EIF2S1: variants seen among roughly 807,000 people sequenced by gnomAD.
The protein encoded by EIF2S1 is eukaryotic translation initiation factor 2 subunit 1.
A neutral mutation model predicts 33.5 loss-of-function variants in EIF2S1; 5 were observed. That is an observed-to-expected ratio of 0.15 (90% CI 0.08 to 0.31). The LOEUF is 0.31. Among genes scored for constraint, EIF2S1 ranks in the 10% least tolerant of loss-of-function variants. The pLI, the probability that EIF2S1 is intolerant of heterozygous loss-of-function variation, is 1.00. For synonymous variants in EIF2S1, 99 were observed against 127.5 expected, an observed-to-expected ratio of 0.78 and a Z score of 1.51; for missense variants, 191 against 384.6, an observed-to-expected ratio of 0.50 and a Z score of 4.21.
chr14:67,363,458 C>T (rs996392984), intron 1 of EIF2S1, among the ~76,000 whole-genome samples: 17 of 151,988 alleles, frequency 1.1e-4, no homozygotes, highest in African/African-American at 4.1e-4. Flanking sequence ...ATTAATGTTG[C>T]TTTTTAAGTA....
intron 4 of EIF2S1, among the ~76,000 whole-genome samples, chr14:67,377,772 C>T (rs1453317461): frequency 6.6e-6 from 1 of 152,008 alleles, no homozygotes; most frequent in African/African-American, 2.4e-5. Flanking sequence ...TCAACTTTTC[C>T]TTTACTTTCT....
chr14:67,363,481 TTATAA>T (rs1010584940), intron 1 of EIF2S1, among the ~76,000 whole-genome samples: 70 of 152,322 alleles, frequency 4.6e-4, no homozygotes, highest in African/African-American at 1.5e-3. Flanking sequence ...ATGTTTCTAA[TTATAA>T]TATATTTATG....
At chr14:67,365,878 C>A (rs2085773676) in intron 2 of EIF2S1, among the ~76,000 whole-genome samples, 1 of 151,970 alleles carries the variant, frequency 6.6e-6, no homozygotes, top group Non-Finnish European at 1.5e-5. Flanking sequence ...TTATTATAGC[C>A]TTAGATGATA....
chr14:67,377,576 A>G (rs953406361), intron 4 of EIF2S1, among the ~76,000 whole-genome samples: 5 of 152,092 alleles, frequency 3.3e-5, no homozygotes, highest in African/African-American at 9.7e-5. Flanking sequence ...ATTTCTTCCT[A>G]TGCTGCTGTC....
Position 67,383,446 on chromosome 14 carries a change from T to C in EIF2S1, c.*6T>C. 1 of 1,612,658 alleles carries C rather than the reference T, an allele frequency of 6.2e-7. No individual in the cohort carries two copies. Among genetic ancestry groups the C allele is most frequent in the South Asian group, 1.1e-5 (1 of 91,040 alleles). ...AAGCCAAAGCTGAAGATTAACTTTG[T>C]GGGAAACAGAGTCCAATTTAAGGAA... On this transcript the variant is annotated 3_prime_UTR_variant, in exon 8 of 8. Transcript: ENST00000256383.
At chr14:67,361,645 C>T (rs1398973397) in intron 1 of EIF2S1, among the ~76,000 whole-genome samples, 2 of 152,212 alleles carry the variant, frequency 1.3e-5, no homozygotes, top group Non-Finnish European at 2.9e-5. Context: ...TCCTACCTAC[C>T]ATTTGTCATG....
intron 2 of EIF2S1, among the ~76,000 whole-genome samples, chr14:67,366,384 T>A (rs1284786685): frequency 6.6e-6 from 1 of 152,210 alleles, no homozygotes; most frequent in Non-Finnish European, 1.5e-5. Flanking sequence ...CTTTTTCTAT[T>A]GTATAAAATA....
At chr14:67,381,018 A>G (rs1461504916) in intron 5 of EIF2S1, among the ~76,000 whole-genome samples, 4 of 152,082 alleles carry the variant, frequency 2.6e-5, no homozygotes, top group Admixed American at 2.0e-4. Flanking sequence ...GAGGGGTTTG[A>G]TTGTTTTGTT....
At chr14:67,363,140 A>C (rs186743841) in intron 1 of EIF2S1, among the ~76,000 whole-genome samples, 61 of 152,238 alleles carry the variant, frequency 4.0e-4, no homozygotes, top group Non-Finnish European at 7.8e-4. Flanking sequence ...TTTTATGCCC[A>C]ATTTGAAACT....
chr14:67,369,609 G>A (rs896736586), intron 2 of EIF2S1, among the ~76,000 whole-genome samples: 1 of 152,068 alleles, frequency 6.6e-6, no homozygotes, highest in Non-Finnish European at 1.5e-5. Flanking sequence ...TCTAAGGGTT[G>A]GAATACAAAT....
intron 1 of EIF2S1, 30 bp downstream of exon 1, chr14:67,360,486 G>A: frequency 2.9e-6 from 1 of 345,600 alleles, no homozygotes; most frequent in Non-Finnish European, 5.2e-6. Flanking sequence ...GTTTCTCCAG[G>A]AACTCACTTT....
rs1402445737 is a variant in EIF2S1, at chr14:67,385,274, T to G, written c.*1834T>G. 2 of 152,152 alleles carry G rather than the reference T, an allele frequency of 1.3e-5. No individual in the cohort carries two copies. Among genetic ancestry groups the G allele is most frequent in the African/African-American group, 4.8e-5 (2 of 41,414 alleles). 9.4% of individuals were successfully genotyped at this position (152,152 alleles called of 1,614,324 possible). On this transcript the variant is annotated 3_prime_UTR_variant, in exon 8 of 8. Transcript: ENST00000256383. The stretch of plus-strand genomic sequence containing the variant: ...TTCTGAATAACTTGAAGAACAGGCT[T>G]GGCAAAGAAGTAAGTTTATCCAAAT...
Position 67,368,791 on chromosome 14 carries a change from G to A in EIF2S1, c.241+3783G>A, listed in dbSNP as rs1366031155. On this transcript the variant is annotated intron_variant, in intron 2 of 7. Transcript: ENST00000256383. ...TAGTCACAGCTGTTCGGGAGGCTGA[G>A]GTGGGAGAGTCACTTGAGGTCAGTA... Among the ~76,000 whole-genome samples the A allele has an allele frequency of 3.3e-5, 5 of 152,200 alleles. No individual in the cohort carries two copies. The East Asian group carries it at 9.6e-4, about 29-fold the overall frequency.
chr14:67,382,359 T>C (rs1468026949), intron 6 of EIF2S1, 88 bp from the exon 7 acceptor site: 1 of 1,245,778 alleles, frequency 8.0e-7, no homozygotes, highest in African/African-American at 1.5e-5. Context: ...GATTTGTTAA[T>C]ACAGCAGATT....
At chr14:67,381,452 TA>T in intron 5 of EIF2S1, 140 bp from the exon 6 acceptor site, 1 of 535,356 alleles carries the variant, frequency 1.9e-6, no homozygotes, top group African/African-American at 1.9e-5. Context: ...CTCCCTTTTA[TA>T]AATAAGGAAC....
chr14:67,377,611 C>T (rs1306274777), intron 4 of EIF2S1, among the ~76,000 whole-genome samples: 1 of 152,182 alleles, frequency 6.6e-6, no homozygotes, highest in Non-Finnish European at 1.5e-5. Context: ...CCTAATTGCT[C>T]TCAAACTAGT....
rs541245664 is a variant in EIF2S1, at chr14:67,380,544, T to C, written c.474-115T>C. ...TGTGACACTAAAGCCTTAACTATTA[T>C]ATGCATTAACTATTATATGCTTAAC... On this transcript the variant is annotated intron_variant, in intron 4 of 7. Transcript: ENST00000256383. The C allele has an allele frequency of 1.9e-4, 89 of 461,604 alleles. 1 individual carries two copies. Among genetic ancestry groups the C allele is most frequent in the Non-Finnish European group, 3.1e-4 (81 of 263,636 alleles). 28.6% of individuals were successfully genotyped at this position (461,604 alleles called of 1,614,324 possible). A position where few individuals can be genotyped will look rare whatever the true frequency, so the allele number is the denominator to read the frequency against.
intron 4 of EIF2S1, among the ~76,000 whole-genome samples, chr14:67,378,128 A>C (rs1465525472): frequency 1.3e-5 from 2 of 151,318 alleles, no homozygotes; most frequent in African/African-American, 4.9e-5. Flanking sequence ...GTCTCTTAAA[A>C]AAAAAAAAAA....
rs1443218682 is a variant in EIF2S1 at position 67,365,026 on chromosome 14, CTG to C, written c.241+20_241+21del. ...AGAAAAAGGTAAGTGAGAAAAATAT[CTG>C]TAATATAAATTTCAGATTTAAAATG... On this transcript the variant is annotated intron_variant, in intron 2 of 7. Transcript: ENST00000256383. 3.2e-6 allele frequency: 5 copies of C among 1,562,512 alleles called. No homozygotes were observed. In the African/African-American group the frequency reaches 6.9e-5, roughly 21 times the overall value.
Sources: gnomAD v4.1 joint callset for allele counts (sites outside exome capture counted in the v4.1 genomes callset) on GRCh38, gnomAD v4.1.1 for gene constraint, MANE v1.5 for transcripts, NCBI Gene and HGNC (gene_info 2026-07-23, HGNC 2026-07-21) for gene names.